Variants in CTNS observed in about 807,000 individuals in gnomAD.
CTNS encodes the protein cystinosin.
In CTNS, 27 loss-of-function variants were observed where a neutral mutation model predicts 43.7. The observed-to-expected ratio is 0.62, with a 90% CI of 0.46 to 0.85. CTNS has a LOEUF of 0.85. Among genes scored for constraint, CTNS ranks in the 40% least tolerant of loss-of-function variants. CTNS has a pLI of 0.00. For synonymous variants in CTNS, 187 were observed against 190.6 expected, an observed-to-expected ratio of 0.98 and a Z score of 0.16; for missense variants, 457 against 475.4, an observed-to-expected ratio of 0.96 and a Z score of 0.36.
At chr17:3,650,042 A>G (rs540615060) in intron 5 of CTNS, 1 of 1,368,206 alleles carries the variant, frequency 7.3e-7, no homozygotes, top group South Asian at 1.5e-5. Flanking sequence ...AACAAAAAAA[A>G]GATAAGTATC....
Position 3,647,437 on chromosome 17 carries a change from C to T in CTNS, c.62-7C>T. 6.2e-7 allele frequency: 1 copy of T among 1,613,738 alleles called. No individual in the cohort carries two copies. Among genetic ancestry groups the T allele is most frequent in the Non-Finnish European group, 8.5e-7 (1 of 1,179,642 alleles). On this transcript the variant is annotated splice_region_variant and splice_polypyrimidine_tract_variant and intron_variant, in intron 3 of 11. Transcript: ENST00000046640. ...GTGCCTCATGTCATTGATTTGGGTC[C>T]TTCCAGAGTCAAGCGTCAGCCTCAC...
chr17:3,645,451 G>A (rs540023158), intron 3 of CTNS, among the ~76,000 whole-genome samples: 6 of 152,270 alleles, frequency 3.9e-5, no homozygotes, highest in African/African-American at 1.4e-4. Flanking sequence ...AGCCTGGCCT[G>A]GCAGGGCAAG....
intron 3 of CTNS, among the ~76,000 whole-genome samples, chr17:3,643,857 G>A (rs1411132172): frequency 2.6e-5 from 4 of 152,110 alleles, no homozygotes; most frequent in East Asian, 1.9e-4. Flanking sequence ...GTGAGCCACC[G>A]CACCCGGCCA....
Position 3,662,740 on chromosome 17 carries a change from G to T in CTNS, c.*2371G>T, listed in dbSNP as rs2076294507. Among the ~76,000 whole-genome samples, 1 of 47,820 alleles carries T rather than the reference G, an allele frequency of 2.1e-5. No homozygotes were observed. Among genetic ancestry groups the T allele is most frequent in the African/African-American group, 5.6e-5 (1 of 17,994 alleles). The allele number at this position is 47,820 out of a possible 152,430, so 31.4% of individuals were successfully genotyped here. A position where few individuals can be genotyped will look rare whatever the true frequency, so the allele number is the denominator to read the frequency against. ...CAGTGCAGCTGCTGCGGCTCCACCA[G>T]CCCCGGGCTTTCAGGCAGGTGGGCC... On this transcript the variant is annotated 3_prime_UTR_variant, in exon 12 of 12. Coordinates refer to ENST00000046640, the MANE Select transcript of CTNS (RefSeq NM_004937.3).
chr17:3,648,836 G>A lies in CTNS; in HGVS notation c.141-11G>A. 1.2e-6 allele frequency: 2 copies of A among 1,610,148 alleles called. No homozygotes were observed. Among genetic ancestry groups the A allele is most frequent in the South Asian group, 1.1e-5 (1 of 91,010 alleles). ...GCTTCTCAGCAGTAATTAGACTCTT[G>A]TCCTCCACAGGCCACCATTAAATGC... On this transcript the variant is annotated splice_polypyrimidine_tract_variant and intron_variant, in intron 4 of 11. Coordinates refer to ENST00000046640, the MANE Select transcript of CTNS (RefSeq NM_004937.3).
At position 3,655,248 on chromosome 17, in the gene CTNS, C is replaced by T; in HGVS notation, c.357C>T (p.Arg119=). The change falls in exon 7 of 12, where the codon CGC becomes CGT. Residue 119 remains arginine (R), a synonymous_variant. Coordinates refer to ENST00000046640, the MANE Select transcript of CTNS (RefSeq NM_004937.3). The part of the protein sequence containing the change: ...TGPRIRFLVI[R]SSAISIINQV... ...CGAGGATACGCTTTCTTGTGATCCG[C>T]AGCAGCGCCATTAGCATCATAAACC... 6.2e-7 allele frequency: 1 copy of T among 1,614,230 alleles called. No individual in the cohort carries two copies. Among genetic ancestry groups the T allele is most frequent in the Non-Finnish European group, 8.5e-7 (1 of 1,180,048 alleles).
rs1207714259 is a variant in CTNS at position 3,658,501 on chromosome 17, C to T, written c.852+326C>T. Among the ~76,000 whole-genome samples, 4 of 152,238 alleles carry T rather than the reference C, an allele frequency of 2.6e-5. No homozygotes were observed. The South Asian group carries it at 6.2e-4, about 24-fold the overall frequency. Reference sequence around the variant, plus strand: ...GCCCTCACCACTGCCTCCATTTCCACAGCAGGACACTCTGGAGAGGTGAGG... The same window carrying T: ...GCCCTCACCACTGCCTCCATTTCCATAGCAGGACACTCTGGAGAGGTGAGG... On this transcript the variant is annotated intron_variant, in intron 10 of 11. Transcript: ENST00000046640.
At position 3,656,791 on chromosome 17, in the gene CTNS, A is replaced by G. The variant is rs142860397; in HGVS notation, c.677A>G (p.Tyr226Cys). ...TLIIIVQCCL[Y>C]ERGGQRVSWP... The stretch of plus-strand genomic sequence containing the variant: ...ATCATCATCGTGCAGTGCTGCCTGT[A>G]TGAGGTGAGACCAGCCCTGGCCCCC... The change falls in exon 9 of 12, where the codon TAT (tyrosine) becomes TGT (cysteine). Residue 226 changes from tyrosine (Y) to cysteine (C), a missense_variant. Physicochemically the swap from Tyr to Cys is radical, Grantham distance 194 (BLOSUM62 -2). Coordinates refer to ENST00000046640, the MANE Select transcript of CTNS (RefSeq NM_004937.3). The G allele has an allele frequency of 2.5e-6, 4 of 1,612,654 alleles. No homozygotes were observed. The highest frequency in any genetic ancestry group is 1.3e-5 in the African/African-American group (1 of 74,870).
chr17:3,658,159 T>G lies in CTNS; in HGVS notation c.836T>G (p.Val279Gly). Residue 279 changes from valine (V) to glycine (G), a missense_variant, in exon 10 of 12, where the codon GTC (valine) becomes GGC (glycine). Val to Gly is a moderately radical substitution (Grantham distance 109). Coordinates refer to ENST00000046640, the MANE Select transcript of CTNS (RefSeq NM_004937.3). ...TACATCAAGCTCGCAGTCACGCTGG[T>G]CAAGTATTTTCCACAGGTACCTCCA... ...FSYIKLAVTL[V>G]KYFPQAYMNF... 1 of 1,611,934 alleles carries G rather than the reference T, an allele frequency of 6.2e-7. No homozygotes were observed. Among genetic ancestry groups the G allele is most frequent in the Non-Finnish European group, 8.5e-7 (1 of 1,179,750 alleles).
rs111430685 is a variant in CTNS at position 3,662,235 on chromosome 17, C to T, written c.*1866C>T. On this transcript the variant is annotated 3_prime_UTR_variant, in exon 12 of 12. Transcript: ENST00000046640. ...CTGAGGCAGGAGAATTACTTGAACC[C>T]AGGAGGCGGAGGTTGCAGTGAGCGA... is the stretch of plus-strand genomic sequence containing the variant. Among the ~76,000 whole-genome samples, 5,676 of 151,932 alleles carry T rather than the reference C, an allele frequency of 0.037. 190 individuals carry two copies. The highest frequency in any genetic ancestry group is 0.086 in the African/African-American group (3,555 of 41,378).
chr17:3,647,589 C>CAG, intron 4 of CTNS, 67 bp downstream of exon 4: 2 of 1,386,780 alleles, frequency 1.4e-6, no homozygotes, highest in Non-Finnish European at 2.0e-6. Context: ...AGGGCTGACC[C>CAG]CTGGCTCAGT....
At position 3,660,800 on chromosome 17, in the gene CTNS, C is replaced by T. The variant is rs886052868; in HGVS notation, c.*431C>T. 2.8e-4 allele frequency: 453 copies of T among 1,606,048 alleles called. 1 individual carries two copies. Among genetic ancestry groups the T allele is most frequent in the Admixed American group, 1.2e-4 (7 of 59,358 alleles). ...CTGCATTCCCAGAGATCAAGCAGCC[C>T]GGTGCCGTGGCCAGTGAACTCAGAG... On this transcript the variant is annotated 3_prime_UTR_variant, in exon 12 of 12. Coordinates refer to ENST00000046640, the MANE Select transcript of CTNS (RefSeq NM_004937.3).
At chr17:3,655,468 C>G (rs1051265134) in intron 7 of CTNS, 116 bp downstream of exon 7, 1 of 1,493,668 alleles carries the variant, frequency 6.7e-7, no homozygotes, top group Non-Finnish European at 9.2e-7. Flanking sequence ...GTCTGCCTAC[C>G]CTTTCCAGAA....
chr17:3,649,733 A>G (rs2075932969), intron 5 of CTNS, among the ~76,000 whole-genome samples: 1 of 150,430 alleles, frequency 6.6e-6, no homozygotes. Context: ...AGCTTTATGC[A>G]TGTATCTATT....
chr17:3,657,274 G>C (rs1272157550), intron 9 of CTNS, among the ~76,000 whole-genome samples: 2 of 152,194 alleles, frequency 1.3e-5, no homozygotes, highest in Admixed American at 1.3e-4. Flanking sequence ...GGCGGGTGCA[G>C]CTGGGCTTCA....
At chr17:3,652,225 T>A (rs1398090861) in intron 5 of CTNS, among the ~76,000 whole-genome samples, 1 of 152,190 alleles carries the variant, frequency 6.6e-6, no homozygotes, top group Non-Finnish European at 1.5e-5. Flanking sequence ...CACCGTCTCC[T>A]TATTCGTAGC....
chr17:3,656,480 C>G lies in CTNS; in HGVS notation c.462-7C>G, dbSNP rs189632527. On this transcript the variant is annotated splice_polypyrimidine_tract_variant and splice_region_variant and intron_variant, in intron 7 of 11. Transcript: ENST00000046640. ...CCTGCCCTGTCTTGTCCCTCCACCC[C>G]CTGCAGTGTCATTGGTCTGAGCTTC... is the stretch of plus-strand genomic sequence containing the variant. The G allele has an allele frequency of 6.3e-7, 1 of 1,585,512 alleles. No homozygotes were observed. The highest frequency in any genetic ancestry group is 8.5e-7 in the Non-Finnish European group (1 of 1,171,596).
intron 8 of CTNS, 39 bp from the exon 9 acceptor site, chr17:3,656,637 C>T: frequency 6.2e-7 from 1 of 1,612,826 alleles, no homozygotes; most frequent in Non-Finnish European, 8.5e-7. Flanking sequence ...GGTGGCCCGG[C>T]TGCCCCTCAC....
chr17:3,657,755 G>A, intron 9 of CTNS: 1 of 571,220 alleles, frequency 1.8e-6, no homozygotes. Flanking sequence ...GCCTGAACAG[G>A]AGGCCCTGGC....
Sources: allele counts gnomAD v4.1 joint callset (sites outside exome capture counted in the v4.1 genomes callset), GRCh38; gene constraint gnomAD v4.1.1; transcripts MANE v1.5; gene names NCBI Gene and HGNC (gene_info 2026-07-23, HGNC 2026-07-21).